TESMIN: variants seen among roughly 807,000 people sequenced by gnomAD.
The protein encoded by TESMIN is testis expressed metallothionein like protein, also known as CXC domain containing 2.
In TESMIN, 34 loss-of-function variants were observed where a neutral mutation model predicts 47.4. The ratio of observed to expected loss-of-function variants is 0.72; its 90% CI spans 0.55 to 0.96. TESMIN has a LOEUF of 0.96. Ranked by LOEUF, TESMIN falls within the 40% of genes least tolerant of loss-of-function variation. The probability of loss-of-function intolerance (pLI) is 0.00; values close to 1 mark genes in which losing one functional copy is unlikely to be tolerated. For missense variants in TESMIN, 610 were observed against 637.2 expected (o/e 0.96, Z 0.46); for synonymous variants, 278 against 258.9 (o/e 1.07, Z -0.71).
intron 3 of TESMIN, 63 bp from the exon 4 acceptor site, chr11:68,745,174 A>C: frequency 6.9e-7 from 1 of 1,449,646 alleles, no homozygotes; most frequent in East Asian, 2.4e-5. Flanking sequence ...TAATGAACCT[A>C]AATAAACTTA....
chr11:68,744,028 G>A (rs973896561), intron 4 of TESMIN, among the ~76,000 whole-genome samples: 2 of 152,202 alleles, frequency 1.3e-5, no homozygotes, highest in South Asian at 2.1e-4. Flanking sequence ...CAGAGATGCA[G>A]CATGAACCTA....
intron 3 of TESMIN, among the ~76,000 whole-genome samples, chr11:68,746,669 T>G (rs1946524317): frequency 6.6e-6 from 1 of 152,184 alleles, no homozygotes; most frequent in Non-Finnish European, 1.5e-5. Flanking sequence ...AAGACCAATG[T>G]AGATGATGTA....
chr11:68,750,686 CG>C lies in TESMIN; in HGVS notation c.-27del, dbSNP rs1228441153. The C allele has an allele frequency of 1.4e-6, 2 of 1,410,914 alleles. No individual in the cohort carries two copies. The highest frequency in any genetic ancestry group is 9.3e-7 in the Non-Finnish European group (1 of 1,075,268). The allele number at this position is 1,410,914 out of a possible 1,614,324, so 87.4% of individuals were successfully genotyped here. On this transcript the variant is annotated 5_prime_UTR_variant, in exon 2 of 10. Coordinates refer to ENST00000255087, the MANE Select transcript of TESMIN (RefSeq NM_004923.3). ...GGCGCAGGGCGGCGGGGCGGGATGGCGGGGGCCGCGCACCTGCAACACGCGG... is the reference window on the plus strand; with the variant it reads ...GGCGCAGGGCGGCGGGGCGGGATGGCGGGGCCGCGCACCTGCAACACGCGG...
In TESMIN at chr11:68,750,614, G is replaced by C. The variant is rs751493543; in HGVS notation, c.47C>G (p.Ala16Gly). The C allele has an allele frequency of 1.9e-6, 3 of 1,593,344 alleles. No homozygotes were observed. Among genetic ancestry groups the C allele is most frequent in the Non-Finnish European group, 2.6e-6 (3 of 1,169,526 alleles). ...LPGGLPSPED[A>G]MVTELLSPEG... ...GGGGCTTAAGAGCTCCGTCACCATC[G>C]CATCCTCGGGGCTGGGCAGCCCGCC... The change falls in exon 2 of 10, where the codon GCG becomes GGG. Residue 16 changes from alanine (A) to glycine (G), a missense_variant. By Grantham distance (60) the Ala-to-Gly change is moderately conservative. Coordinates refer to ENST00000255087, the MANE Select transcript of TESMIN (RefSeq NM_004923.3).
At chr11:68,746,939 A>G (rs1946528041) in intron 3 of TESMIN, among the ~76,000 whole-genome samples, 1 of 152,162 alleles carries the variant, frequency 6.6e-6, no homozygotes, top group Non-Finnish European at 1.5e-5. Context: ...CCAGCACTGC[A>G]CTAACTGATG....
intron 6 of TESMIN, chr11:68,736,963 T>C (rs1946394422): frequency 1.0e-6 from 1 of 985,338 alleles, no homozygotes; most frequent in Non-Finnish European, 1.2e-6. Flanking sequence ...GTGCTGCAAC[T>C]GGGAGAGCAC....
Position 68,750,473 on chromosome 11 carries a change from A to T in TESMIN, c.188T>A (p.Val63Asp). The change falls in exon 2 of 10, where the codon GTC becomes GAC. Residue 63 changes from valine to aspartate, a missense_variant. Coordinates refer to ENST00000255087, the MANE Select transcript of TESMIN (RefSeq NM_004923.3). ...YLGPADPKEP[V>D]LHAFNPALGA... Reference sequence around the variant, plus strand: ...CAGCGCGGGGTTGAACGCGTGCAGGACGGGTTCCTTGGGGTCCGCCGGGCC... The same window carrying T: ...CAGCGCGGGGTTGAACGCGTGCAGGTCGGGTTCCTTGGGGTCCGCCGGGCC... 1 of 1,601,104 alleles carries T rather than the reference A, an allele frequency of 6.2e-7. No homozygotes were observed.
chr11:68,736,623 T>C (rs1389821351), intron 6 of TESMIN: 4 of 984,940 alleles, frequency 4.1e-6, no homozygotes, highest in South Asian at 9.4e-5. Context: ...ATTATGTGCA[T>C]AAAAAATACA....
Position 68,748,385 on chromosome 11 carries a change from CATATAAATACACATAAA to C in TESMIN, c.472-1036_472-1020del, listed in dbSNP as rs562395280. Among the ~76,000 whole-genome samples the C allele has an allele frequency of 5.8e-3, 887 of 152,336 alleles. 10 individuals are homozygous for C. Among genetic ancestry groups the C allele is most frequent in the African/African-American group, 0.02 (835 of 41,580 alleles). On this transcript the variant is annotated intron_variant, in intron 2 of 9. Coordinates refer to ENST00000255087, the MANE Select transcript of TESMIN (RefSeq NM_004923.3). ...AGCTTTATTTAGAAATTTTAAATTT[CATATAAATACACATAAA>C]ATTTTCTTCTACTTGCTGCTTTGGG...
At chr11:68,720,615 C>T (rs986835194) in intron 6 of TESMIN, among the ~76,000 whole-genome samples, 3 of 152,284 alleles carry the variant, frequency 2.0e-5, no homozygotes, top group South Asian at 2.1e-4. Context: ...CTGCACCCCT[C>T]GTGCTGCTCC....
Position 68,715,024 on chromosome 11 carries a change from T to C in TESMIN, c.1020+813A>G, listed in dbSNP as rs566292288. 2.6e-5 allele frequency among the ~76,000 whole-genome samples: 4 copies of C among 152,358 alleles called. No homozygotes were observed. The South Asian group carries it at 8.3e-4, about 32-fold the overall frequency. On this transcript the variant is annotated intron_variant, in intron 7 of 9. Transcript: ENST00000255087. ...TCTGGCTATATCAAAATTGGTTAGA[T>C]ATTTCAAGTCATTTATCCATAATTC...
intron 5 of TESMIN, among the ~76,000 whole-genome samples, chr11:68,741,316 C>T (rs772402804): frequency 5.3e-5 from 8 of 152,182 alleles, no homozygotes; most frequent in East Asian, 1.9e-4. Context: ...ATCCAAGGCC[C>T]GCCTGGGATG....
At chr11:68,710,344 A>G (rs1454988373) in intron 9 of TESMIN, among the ~76,000 whole-genome samples, 1 of 152,240 alleles carries the variant, frequency 6.6e-6, no homozygotes, top group Non-Finnish European at 1.5e-5. Context: ...TAGTAAAACT[A>G]TGACTCAACT....
chr11:68,734,898 A>G (rs1008403772), intron 6 of TESMIN, among the ~76,000 whole-genome samples: 19 of 151,900 alleles, frequency 1.3e-4, no homozygotes, highest in Non-Finnish European at 7.4e-5. Flanking sequence ...ATCCTCCCCC[A>G]CTTGGCCTGC....
At chr11:68,746,917 C>T (rs1200916150) in intron 3 of TESMIN, among the ~76,000 whole-genome samples, 3 of 152,196 alleles carry the variant, frequency 2.0e-5, no homozygotes, top group African/African-American at 7.2e-5. Context: ...GGCTCAGCTG[C>T]AGTCCCTGAC....
At chr11:68,740,206 G>A (rs951527291) in intron 5 of TESMIN, among the ~76,000 whole-genome samples, 1 of 152,136 alleles carries the variant, frequency 6.6e-6, no homozygotes, top group Admixed American at 6.5e-5. Context: ...TGGAACCTGA[G>A]GTTCTGCACT....
At chr11:68,709,379 G>T (rs1454888510) in intron 9 of TESMIN, among the ~76,000 whole-genome samples, 2 of 152,202 alleles carry the variant, frequency 1.3e-5, no homozygotes, top group Admixed American at 6.5e-5. Flanking sequence ...TGCAGCCAGA[G>T]AAGGCCAAGG....
intron 9 of TESMIN, among the ~76,000 whole-genome samples, chr11:68,708,789 T>G (rs1946027831): frequency 6.6e-6 from 1 of 150,896 alleles, no homozygotes. Context: ...AGTCCTGCTC[T>G]GTTGCCAGGC....
chr11:68,736,276 A>G (rs1161975299), intron 6 of TESMIN: 4 of 985,318 alleles, frequency 4.1e-6, no homozygotes, highest in Non-Finnish European at 4.8e-6. Flanking sequence ...TGTATTAAAG[A>G]GTTTTTATTA....
Sources: allele counts gnomAD v4.1 joint callset (sites outside exome capture counted in the v4.1 genomes callset), GRCh38; gene constraint gnomAD v4.1.1; transcripts MANE v1.5; gene names NCBI Gene and HGNC (gene_info 2026-07-23, HGNC 2026-07-21).